The following TUT7 variants were observed in gnomAD, a reference collection of about 807,000 sequenced individuals.
TUT7 encodes the protein terminal uridylyl transferase 7, also known as terminal uridylyltransferase 7.
TUT7 carries 33 observed loss-of-function variants against 165.9 expected under a neutral mutation model. The ratio of observed to expected loss-of-function variants is 0.20; its 90% CI spans 0.15 to 0.27. TUT7 has a LOEUF of 0.27. Ranked by LOEUF, TUT7 falls within the 10% of genes least tolerant of loss-of-function variation. The pLI is 1.00. For synonymous variants in TUT7, 552 were observed against 608.1 expected (o/e 0.91, Z 1.36); for missense variants, 1,338 against 1,762.3 (o/e 0.76, Z 4.31).
At chr9:86,296,546 T>C (rs1045554064) in intron 26 of TUT7, among the ~76,000 whole-genome samples, 5 of 152,148 alleles carry the variant, frequency 3.3e-5, no homozygotes, top group African/African-American at 9.7e-5. Context: ...GAGGAAAGGA[T>C]GGGGGTAGGT....
intron 18 of TUT7, 107 bp from the exon 19 acceptor site, chr9:86,310,124 G>T (rs893176886): frequency 2.1e-5 from 19 of 917,808 alleles, no homozygotes; most frequent in East Asian, 1.8e-4. Flanking sequence ...TCACTATGTT[G>T]CCCAGGCTGG....
At chr9:86,353,327 G>A (rs1832460646) in intron 1 of TUT7, 97 bp from the exon 2 acceptor site, 1 of 983,932 alleles carries the variant, frequency 1.0e-6, no homozygotes, top group Non-Finnish European at 1.4e-6. Flanking sequence ...CCCAAAGCCT[G>A]TAAGAAAGAA....
chr9:86,291,697 TAATA>T (rs935136447), intron 26 of TUT7, among the ~76,000 whole-genome samples: 13 of 151,948 alleles, frequency 8.6e-5, no homozygotes, highest in East Asian at 3.9e-4. Flanking sequence ...TCTGAAAAAT[TAATA>T]AATAAAGTAT....
chr9:86,288,859 T>A, intron 26 of TUT7, 115 bp from the exon 27 acceptor site: 1 of 689,424 alleles, frequency 1.5e-6, no homozygotes, highest in East Asian at 2.8e-5. Flanking sequence ...CTAGAATTGG[T>A]CACTTGTTTT....
intron 22 of TUT7, among the ~76,000 whole-genome samples, chr9:86,307,424 T>C (rs192561534): frequency 2.4e-4 from 37 of 152,326 alleles, no homozygotes; most frequent in African/African-American, 7.7e-4. Context: ...TGATCTGAAA[T>C]TCATTTTACA....
chr9:86,353,122 C>G lies in TUT7; in HGVS notation c.78G>C (p.Arg26Ser). The G allele has an allele frequency of 1.2e-6, 2 of 1,612,362 alleles. No individual in the cohort carries two copies. The highest frequency in any genetic ancestry group is 1.7e-6 in the Non-Finnish European group (2 of 1,179,680). ...RGTMDDDDFR[R>S]GHPQQDYLII... ...TTAAATAATCTTGTTGGGGGTGACCCCTTCTGAAGTCATCATCATCCATAG... is the reference window on the plus strand; with the variant it reads ...TTAAATAATCTTGTTGGGGGTGACCGCTTCTGAAGTCATCATCATCCATAG... Residue 26 changes from arginine (R) to serine (S), a missense_variant, in exon 2 of 27, where the codon AGG becomes AGC. Coordinates refer to ENST00000375963, the MANE Select transcript of TUT7 (RefSeq NM_024617.4).
chr9:86,318,396 G>A (rs1239447501), intron 16 of TUT7, among the ~76,000 whole-genome samples: 1 of 152,214 alleles, frequency 6.6e-6, no homozygotes, highest in Non-Finnish European at 1.5e-5. Context: ...AACAGGCAGT[G>A]GGGGGCTGAA....
chr9:86,334,578 T>C (rs977216995), intron 10 of TUT7, among the ~76,000 whole-genome samples: 5 of 152,198 alleles, frequency 3.3e-5, no homozygotes, highest in Admixed American at 2.6e-4. Flanking sequence ...ATGACATCAA[T>C]TGTCTGATGG....
At chr9:86,328,559 T>C (rs570949220) in intron 10 of TUT7, 67 bp from the exon 11 acceptor site, 2 of 1,355,060 alleles carry the variant, frequency 1.5e-6, no homozygotes, top group African/African-American at 1.5e-5. Context: ...AGTCTACTAA[T>C]CTTGGAATAA....
chr9:86,292,468 C>CAA (rs113108657), intron 26 of TUT7, among the ~76,000 whole-genome samples: 189 of 103,340 alleles, frequency 1.8e-3, no homozygotes, highest in African/African-American at 5.6e-3. Context: ...GACTTTGTCT[C>CAA]AAAAAAAAAA....
chr9:86,320,600 G>A (rs1022976878), intron 14 of TUT7, among the ~76,000 whole-genome samples: 9 of 151,988 alleles, frequency 5.9e-5, no homozygotes, highest in Admixed American at 3.9e-4. Context: ...TTATTCCCTC[G>A]CTGGCCTAGG....
chr9:86,339,738 CA>C (rs1831168926), intron 8 of TUT7, among the ~76,000 whole-genome samples: 1 of 152,158 alleles, frequency 6.6e-6, no homozygotes, highest in South Asian at 2.1e-4. Flanking sequence ...AAAAGGGTGG[CA>C]AAATACAGGT....
rs1386597552 is a variant in TUT7, at chr9:86,323,808, T to C, written c.1942A>G (p.Thr648Ala). 6.2e-7 allele frequency: 1 copy of C among 1,613,920 alleles called. No individual in the cohort carries two copies. Reference sequence around the variant, plus strand: ...TCTTTAGAATGTTCTGAAATACATGTAATTGCATTCAGAGGCTTTAGAAGG... The same window carrying C: ...TCTTTAGAATGTTCTGAAATACATGCAATTGCATTCAGAGGCTTTAGAAGG... Reference protein sequence around the residue: ...SSLLKPLNAITCISEHSKEVI... With the variant: ...SSLLKPLNAIACISEHSKEVI... The change falls in exon 13 of 27, where the codon ACA becomes GCA. Residue 648 changes from threonine to alanine, a missense_variant. This residue lies in a region of TUT7 where 425 missense variants were observed against 474.9 expected (regional missense o/e 0.89). Coordinates refer to ENST00000375963, the MANE Select transcript of TUT7 (RefSeq NM_024617.4).
chr9:86,327,128 A>G, intron 11 of TUT7, among the ~76,000 whole-genome samples: 1 of 152,190 alleles, frequency 6.6e-6, no homozygotes, highest in East Asian at 1.9e-4. Context: ...CTACAGTTTG[A>G]GGACACAAAT....
intron 6 of TUT7, among the ~76,000 whole-genome samples, 164 bp from the exon 7 acceptor site, chr9:86,341,217 G>A (rs1831295306): frequency 1.3e-5 from 2 of 152,166 alleles, no homozygotes; most frequent in African/African-American, 2.4e-5. Flanking sequence ...GTCAGTCAAA[G>A]ACAGACAGAT....
intron 2 of TUT7, 53 bp from the exon 3 acceptor site, chr9:86,346,533 G>A (rs1389345747): frequency 6.5e-7 from 1 of 1,534,880 alleles, no homozygotes; most frequent in Admixed American, 1.8e-5. Flanking sequence ...CCACTCCTGA[G>A]TAAAAAGCAG....
In TUT7 at chr9:86,323,292, T is replaced by C. The variant is rs768097210; in HGVS notation, c.2458A>G (p.Thr820Ala). ...ADLDGESTEG[T>A]EELEDSLNHF... ...TTTAGAGAGTCTTCTAGTTCCTCAGTACCTTCTGTACTTTCTCCATCAAGA... is the reference window on the plus strand; with the variant it reads ...TTTAGAGAGTCTTCTAGTTCCTCAGCACCTTCTGTACTTTCTCCATCAAGA... The change falls in exon 13 of 27, where the codon ACT becomes GCT. Residue 820 changes from threonine (T) to alanine (A), a missense_variant. Physicochemically the swap from Thr to Ala is moderately conservative, Grantham distance 58. This residue lies in a region of TUT7 where 425 missense variants were observed against 474.9 expected (regional missense o/e 0.89). Transcript: ENST00000375963. 3 of 1,614,070 alleles carry C rather than the reference T, an allele frequency of 1.9e-6. No homozygotes were observed. The highest frequency in any genetic ancestry group is 1.3e-5 in the African/African-American group (1 of 74,942).
intron 26 of TUT7, among the ~76,000 whole-genome samples, chr9:86,297,933 T>TTTTTTTTTTTTC (rs2131283847): frequency 6.8e-6 from 1 of 146,878 alleles, no homozygotes; most frequent in African/African-American, 2.6e-5. Context: ...TTTTTTTTTT[T>TTTTTTTTTTTTC]TTCAAATTTC....
At chr9:86,346,610 T>C (rs965164261) in intron 2 of TUT7, 130 bp from the exon 3 acceptor site, 14 of 916,598 alleles carry the variant, frequency 1.5e-5, no homozygotes, top group East Asian at 7.4e-5. Context: ...GAAGGAAAGG[T>C]AGCTGTCCTA....
Sources: gnomAD v4.1 joint callset for allele counts (sites outside exome capture counted in the v4.1 genomes callset) on GRCh38, gnomAD v4.1.1 for gene constraint, gnomAD v4.1.1 regional missense constraint, MANE v1.5 for transcripts, NCBI Gene and HGNC (gene_info 2026-07-23, HGNC 2026-07-21) for gene names.